The following SPECC1L variants were observed in gnomAD, a reference collection of about 807,000 sequenced individuals.
SPECC1L encodes cytospin-A.
A neutral mutation model predicts 116.8 loss-of-function variants in SPECC1L; 40 were observed. The observed-to-expected ratio is 0.34, with a 90% CI of 0.27 to 0.45. The LOEUF (loss-of-function observed/expected upper bound fraction) is 0.45. Ranked by LOEUF, SPECC1L falls within the 20% of genes least tolerant of loss-of-function variation. The pLI, the probability that SPECC1L is intolerant of heterozygous loss-of-function variation, is 1.00. For synonymous variants in SPECC1L, 504 were observed against 500.6 expected (o/e 1.01, Z -0.09); for missense variants, 1,110 against 1,373.6 (o/e 0.81, Z 3.03).
Position 24,411,698 on chromosome 22 carries a change from G to A in SPECC1L, c.3198G>A (p.Gln1066=), listed in dbSNP as rs777447468. The A allele has an allele frequency of 1.2e-6, 2 of 1,612,688 alleles. No homozygotes were observed. The highest frequency in any genetic ancestry group is 1.7e-6 in the Non-Finnish European group (2 of 1,179,624). The change falls in exon 15 of 17, where the codon CAG becomes CAA. Residue 1066 remains glutamine (Q), a synonymous_variant. Coordinates refer to ENST00000314328, the MANE Select transcript of SPECC1L (RefSeq NM_015330.6). ...TTCCATATCAAGAACTGAACAGCCA[G>A]GATAAGGTAGGCCATGGAGGGCCAG... ...AHIPYQELNS[Q]DKRRNFMLAF... is the part of the protein sequence containing the mutation.
At chr22:24,371,576 A>G (rs1448536525) in intron 14 of SPECC1L, among the ~76,000 whole-genome samples, 1 of 152,264 alleles carries the variant, frequency 6.6e-6, no homozygotes, top group Non-Finnish European at 1.5e-5. Context: ...AAATTAAAGC[A>G]CACACTCTAA....
chr22:24,282,561 A>C (rs1238550808), intron 2 of SPECC1L, among the ~76,000 whole-genome samples: 1 of 152,164 alleles, frequency 6.6e-6, no homozygotes, highest in Non-Finnish European at 1.5e-5. Flanking sequence ...CCTATGGGGA[A>C]AATATTCAGT....
intron 14 of SPECC1L, among the ~76,000 whole-genome samples, chr22:24,393,975 C>T (rs2146747546): frequency 6.6e-6 from 1 of 152,304 alleles, no homozygotes; most frequent in South Asian, 2.1e-4. Flanking sequence ...TTTCACTTAG[C>T]ACATTGAGAT....
At chr22:24,305,606 T>C (rs1227409747) in intron 3 of SPECC1L, among the ~76,000 whole-genome samples, 1 of 152,202 alleles carries the variant, frequency 6.6e-6, no homozygotes, top group East Asian at 1.9e-4. Context: ...GTTTCTTCTC[T>C]GTGGTTATGA....
chr22:24,311,804 CA>C (rs915422222), intron 3 of SPECC1L, among the ~76,000 whole-genome samples: 952 of 46,572 alleles, frequency 0.02, 1 homozygote, highest in Middle Eastern at 0.06. Flanking sequence ...GACTTTGTCT[CA>C]AAAAAAAAAA....
At chr22:24,299,302 T>G (rs1306796270) in intron 2 of SPECC1L, among the ~76,000 whole-genome samples, 1 of 152,196 alleles carries the variant, frequency 6.6e-6, no homozygotes, top group Non-Finnish European at 1.5e-5. Flanking sequence ...TGAGGCATGG[T>G]GGTTCACACT....
intron 13 of SPECC1L, 132 bp downstream of exon 13, chr22:24,365,764 T>C: frequency 1.0e-6 from 1 of 988,468 alleles, no homozygotes; most frequent in Non-Finnish European, 1.6e-6. Context: ...TTGCGAATCT[T>C]TCTTATATCC....
intron 3 of SPECC1L, among the ~76,000 whole-genome samples, chr22:24,308,276 CTG>C (rs1175825573): frequency 3.3e-5 from 5 of 152,218 alleles, no homozygotes; most frequent in East Asian, 3.9e-4. Context: ...AAAAAAAAAT[CTG>C]TTTTCTGGCC....
intron 14 of SPECC1L, among the ~76,000 whole-genome samples, chr22:24,389,153 T>G (rs973088859): frequency 6.7e-6 from 1 of 150,228 alleles, no homozygotes; most frequent in East Asian, 2.0e-4. Context: ...TTCACTCTTG[T>G]CACCCAGGCT....
intron 2 of SPECC1L, among the ~76,000 whole-genome samples, chr22:24,282,619 G>C (rs1321456733): frequency 6.6e-6 from 1 of 152,084 alleles, no homozygotes; most frequent in Non-Finnish European, 1.5e-5. Flanking sequence ...CATATATGCT[G>C]TTTGTCAGGT....
intron 5 of SPECC1L, chr22:24,323,227 AT>A: frequency 4.5e-6 from 2 of 440,658 alleles, no homozygotes; most frequent in Non-Finnish European, 3.0e-6. Context: ...GGGTCATGAA[AT>A]TTTACCTCCC....
chr22:24,297,797 C>T (rs927984158), intron 2 of SPECC1L, among the ~76,000 whole-genome samples: 15 of 152,176 alleles, frequency 9.9e-5, no homozygotes, highest in Admixed American at 8.5e-4. Context: ...TCACTTTGTC[C>T]GATGTATCCA....
At chr22:24,312,326 A>G (rs1337884209) in intron 3 of SPECC1L, among the ~76,000 whole-genome samples, 2 of 152,220 alleles carry the variant, frequency 1.3e-5, no homozygotes, top group East Asian at 1.9e-4. Flanking sequence ...ATTGAATAAC[A>G]GAAATATGCT....
intron 14 of SPECC1L, among the ~76,000 whole-genome samples, chr22:24,408,595 G>C (rs912565727): frequency 1.3e-5 from 2 of 152,236 alleles, no homozygotes; most frequent in African/African-American, 4.8e-5. Flanking sequence ...CTTCCCCTGC[G>C]ACTCTTGGCA....
intron 2 of SPECC1L, among the ~76,000 whole-genome samples, chr22:24,278,670 T>G (rs1056761283): frequency 1.3e-5 from 2 of 152,226 alleles, no homozygotes; most frequent in African/African-American, 4.8e-5. Flanking sequence ...ATTAATTACA[T>G]ATATAGCATA....
rs754676542 is a variant in SPECC1L at position 24,324,393 on chromosome 22, A to G, written c.2112A>G (p.Lys704=). 1 of 1,614,162 alleles carries G rather than the reference A, an allele frequency of 6.2e-7. No homozygotes were observed. The highest frequency in any genetic ancestry group is 1.7e-5 in the Admixed American group (1 of 60,030). Reference sequence around the variant, plus strand: ...AAGTAGAACAACATCGTGCTGTGAAACTTCATGACAACCTCATTATTTCTG... The same window carrying G: ...AAGTAGAACAACATCGTGCTGTGAAGCTTCATGACAACCTCATTATTTCTG... ...EDEVEQHRAV[K]LHDNLIISDL... The change falls in exon 6 of 17, where the codon AAA becomes AAG. Residue 704 remains lysine, a synonymous_variant. Coordinates refer to ENST00000314328, the MANE Select transcript of SPECC1L (RefSeq NM_015330.6).
intron 1 of SPECC1L, among the ~76,000 whole-genome samples, chr22:24,275,475 C>A (rs1269230120): frequency 2.0e-5 from 3 of 151,320 alleles, no homozygotes; most frequent in Non-Finnish European, 4.4e-5. Context: ...AGGTAGGCAT[C>A]ATTTTTATCC....
At position 24,414,689 on chromosome 22, in the gene SPECC1L, C is replaced by G; in HGVS notation, c.*66C>G. On this transcript the variant is annotated 3_prime_UTR_variant, in exon 17 of 17. Transcript: ENST00000314328. The stretch of plus-strand genomic sequence containing the variant: ...CCACAGCGACCGAGCGACACCGACG[C>G]CATTAGCTACGCACCCCTGTAAAGC... The G allele has an allele frequency of 7.2e-7, 1 of 1,392,776 alleles. No homozygotes were observed. Among genetic ancestry groups the G allele is most frequent in the Non-Finnish European group, 1.0e-6 (1 of 987,124 alleles). The allele number at this position is 1,392,776 out of a possible 1,614,324, so 86.3% of individuals were successfully genotyped here.
chr22:24,298,946 T>G (rs1421786502), intron 2 of SPECC1L, among the ~76,000 whole-genome samples: 6 of 152,234 alleles, frequency 3.9e-5, no homozygotes, highest in Non-Finnish European at 7.3e-5. Context: ...CTGAGAGTGA[T>G]TCACCTTTTT....
Sources: allele counts gnomAD v4.1 joint callset (sites outside exome capture counted in the v4.1 genomes callset), GRCh38; gene constraint gnomAD v4.1.1; transcripts MANE v1.5; gene names NCBI Gene and HGNC (gene_info 2026-07-23, HGNC 2026-07-21).